ZNF195: variants seen among roughly 807,000 people sequenced by gnomAD.
ZNF195 encodes the protein hypoxia-regulated factor-1.
ZNF195 carries 11 observed loss-of-function variants against 19.5 expected under a neutral mutation model. The observed-to-expected ratio is 0.57, with a 90% CI of 0.36 to 0.94. The LOEUF (loss-of-function observed/expected upper bound fraction) is 0.94, where lower values mean the gene tolerates loss of function less well. ZNF195 is among the 40% of genes least tolerant of loss of function. The probability of loss-of-function intolerance (pLI) is 0.01; values close to 1 mark genes in which losing one functional copy is unlikely to be tolerated. For synonymous variants in ZNF195, 214 were observed against 248.1 expected, an observed-to-expected ratio of 0.86 and a Z score of 1.29; for missense variants, 582 against 709.0, an observed-to-expected ratio of 0.82 and a Z score of 2.03.
intron 3 of ZNF195, chr11:3,368,959 A>G: frequency 2.4e-6 from 1 of 420,968 alleles, no homozygotes; most frequent in Non-Finnish European, 4.8e-6. Context: ...TAAAACATGT[A>G]TCCTTAAAAA....
chr11:3,376,461 G>T (rs992137241), intron 1 of ZNF195, among the ~76,000 whole-genome samples: 13 of 152,260 alleles, frequency 8.5e-5, no homozygotes, highest in Non-Finnish European at 1.5e-5. Context: ...CTTGAGCCAG[G>T]CCTTCGATTG....
chr11:3,360,414 T>C lies in ZNF195; in HGVS notation c.594A>G (p.Gln198=). 6.2e-7 allele frequency: 1 copy of C among 1,612,774 alleles called. No individual in the cohort carries two copies. Residue 198 remains glutamine, a synonymous_variant, in exon 6 of 6, where the codon CAA becomes CAG. Coordinates refer to ENST00000399602, the MANE Select transcript of ZNF195 (RefSeq NM_001130520.3). ...DWESLDECKL[Q]KDYNGLNQCS... ...ATTGGTTAAGTCCATTATAATCTTTTTGCAACTTACACTCATCTAAACTTT... is the reference window on the plus strand; with the variant it reads ...ATTGGTTAAGTCCATTATAATCTTTCTGCAACTTACACTCATCTAAACTTT...
intron 1 of ZNF195, among the ~76,000 whole-genome samples, chr11:3,376,674 T>C (rs1849483576): frequency 6.6e-6 from 1 of 152,236 alleles, no homozygotes; most frequent in Non-Finnish European, 1.5e-5. Flanking sequence ...AGCAAAATTA[T>C]TTATTGCTTT....
chr11:3,375,251 T>C (rs908409515), intron 1 of ZNF195, among the ~76,000 whole-genome samples: 1 of 152,186 alleles, frequency 6.6e-6, no homozygotes, highest in African/African-American at 2.4e-5. Context: ...ATTCTGTTTT[T>C]CCTAAAACTG....
chr11:3,372,615 G>A lies in ZNF195; in HGVS notation c.4-912C>T, dbSNP rs143440532. Among the ~76,000 whole-genome samples the A allele has an allele frequency of 1.6e-4, 4 of 25,790 alleles. No homozygotes were observed. In the Admixed American group the frequency reaches 2.0e-3, roughly 13 times the overall value. 16.9% of individuals were successfully genotyped at this position (25,790 alleles called of 152,430 possible). On this transcript the variant is annotated intron_variant, in intron 1 of 5. Coordinates refer to ENST00000399602, the MANE Select transcript of ZNF195 (RefSeq NM_001130520.3). ...TTCTGACAAATATTTCCCAGGTCCTGACAAATATCTCCCAGGTTCTGACAA... is the reference window on the plus strand; with the variant it reads ...TTCTGACAAATATTTCCCAGGTCCTAACAAATATCTCCCAGGTTCTGACAA...
chr11:3,375,508 C>T (rs1473774435), intron 1 of ZNF195: 4 of 152,206 alleles, frequency 2.6e-5, no homozygotes, highest in Non-Finnish European at 1.5e-5. Flanking sequence ...ACAACCACAT[C>T]AGGAAAATGG....
At chr11:3,374,851 A>C (rs1849379339) in intron 1 of ZNF195, among the ~76,000 whole-genome samples, 1 of 152,268 alleles carries the variant, frequency 6.6e-6, no homozygotes, top group African/African-American at 2.4e-5. Flanking sequence ...TTGTGAAGCA[A>C]CTATTAGACC....
chr11:3,378,437 T>C (rs377660052), intron 1 of ZNF195, among the ~76,000 whole-genome samples: 1 of 151,870 alleles, frequency 6.6e-6, no homozygotes. Flanking sequence ...AGAAACAAAA[T>C]TCAGGCTTCG....
chr11:3,369,050 A>G (rs75923898), intron 3 of ZNF195, among the ~76,000 whole-genome samples: 2,410 of 152,336 alleles, frequency 0.016, 66 homozygotes, highest in African/African-American at 0.056. Flanking sequence ...AAAAGTAAAT[A>G]TAAACAAAAT....
In ZNF195 at chr11:3,359,247, A is replaced by G; in HGVS notation, c.1761T>C (p.Phe587=). The change falls in exon 6 of 6, where the codon TTT becomes TTC. Residue 587 remains phenylalanine (F), a synonymous_variant. Coordinates refer to ENST00000399602, the MANE Select transcript of ZNF195 (RefSeq NM_001130520.3). This position sits in a 1 kb window ranked among gnomAD's most constrained non-coding sequence, Gnocchi z 5.5. ...PYKCDECGKN[F]TQSSNLIVHK... ...GTACAATAAGGTTTGAGGACTGGGTAAAGTTTTTTCCACATTCGTCACATT... is the reference window on the plus strand; with the variant it reads ...GTACAATAAGGTTTGAGGACTGGGTGAAGTTTTTTCCACATTCGTCACATT... 2 of 1,614,006 alleles carry G rather than the reference A, an allele frequency of 1.2e-6. No individual in the cohort carries two copies. Among genetic ancestry groups the G allele is most frequent in the South Asian group, 2.2e-5 (2 of 91,060 alleles).
rs918848675 is a variant in ZNF195, at chr11:3,358,147, G to A, written c.*971C>T. Reference sequence around the variant, plus strand: ...AGATGTTTTTTGCCAGCTTTGTTATGCGAGGTGAACAGACATGTTAACCGC... The same window carrying A: ...AGATGTTTTTTGCCAGCTTTGTTATACGAGGTGAACAGACATGTTAACCGC... On this transcript the variant is annotated 3_prime_UTR_variant, in exon 6 of 6. Transcript: ENST00000399602. 17 of 152,092 alleles carry A rather than the reference G, an allele frequency of 1.1e-4. No homozygotes were observed. The highest frequency in any genetic ancestry group is 4.1e-4 in the African/African-American group (17 of 41,382). The allele number at this position is 152,092 out of a possible 1,614,324, so 9.4% of individuals were successfully genotyped here. A position where few individuals can be genotyped will look rare whatever the true frequency, so the allele number is the denominator to read the frequency against.
At position 3,360,784 on chromosome 11, in the gene ZNF195, C is replaced by T. The variant is rs1396864342; in HGVS notation, c.378G>A (p.Leu126=). 1.9e-6 allele frequency: 3 copies of T among 1,551,386 alleles called. No individual in the cohort carries two copies. The highest frequency in any genetic ancestry group is 2.6e-6 in the Non-Finnish European group (3 of 1,146,882). ...LNVSVDKFTA[L]CSPGVLQTVK... The stretch of plus-strand genomic sequence containing the variant: ...CAGTTTGCAGCACCCCAGGTGAGCA[C>T]AGTGCTAGGAGCCAGATAAGAAGAA... The change falls in exon 5 of 6, where the codon CTG becomes CTA. Residue 126 remains leucine (L), a synonymous_variant. Transcript: ENST00000399602.
At chr11:3,362,072 A>G (rs1228992890) in intron 3 of ZNF195, 183 bp from the exon 4 acceptor site, 2 of 435,960 alleles carry the variant, frequency 4.6e-6, no homozygotes. Context: ...AAAAAGTACA[A>G]CCTGAAGCAA....
At chr11:3,371,199 A>G in intron 2 of ZNF195, 129 bp from the exon 3 acceptor site, 1 of 852,702 alleles carries the variant, frequency 1.2e-6, no homozygotes, top group Non-Finnish European at 1.8e-6. Flanking sequence ...GCTTCCTGAC[A>G]TCACCTTTAG....
At position 3,359,050 on chromosome 11, in the gene ZNF195, C is replaced by T; in HGVS notation, c.*68G>A. 1 of 1,471,074 alleles carries T rather than the reference C, an allele frequency of 6.8e-7. No individual in the cohort carries two copies. The highest frequency in any genetic ancestry group is 9.0e-7 in the Non-Finnish European group (1 of 1,110,420). 91.1% of individuals were successfully genotyped at this position (1,471,074 alleles called of 1,614,324 possible). A position where few individuals can be genotyped will look rare whatever the true frequency, so the allele number is the denominator to read the frequency against. On this transcript the variant is annotated 3_prime_UTR_variant, in exon 6 of 6. Coordinates refer to ENST00000399602, the MANE Select transcript of ZNF195 (RefSeq NM_001130520.3). The surrounding 1 kb of genome is among the most constrained non-coding windows in gnomAD (Gnocchi z 5.5). ...ATGATAACTTTATTAAGTCTGAACT[C>T]TGATGTAAAGTGGGATGCGAGCAGA... is the stretch of plus-strand genomic sequence containing the variant.
In ZNF195 at chr11:3,371,059, A is replaced by T. The variant is rs1272340023; in HGVS notation, c.142T>A (p.Cys48Ser). 4 of 1,613,668 alleles carry T rather than the reference A, an allele frequency of 2.5e-6. No individual in the cohort carries two copies. The East Asian group carries it at 8.9e-5, about 36-fold the overall frequency. The change falls in exon 3 of 6, where the codon TGT (cysteine) becomes AGT (serine). Residue 48 changes from cysteine to serine, a missense_variant. Coordinates refer to ENST00000399602, the MANE Select transcript of ZNF195 (RefSeq NM_001130520.3). ...RNLFSVGLTV[C>S]KPGLITCLEQ... Reference sequence around the variant, plus strand: ...AGGCAGGTGATCAGGCCTGGCTTACAGACAGTGAGACCTGTTTTATTAGAA... The same window carrying T: ...AGGCAGGTGATCAGGCCTGGCTTACTGACAGTGAGACCTGTTTTATTAGAA...
intron 3 of ZNF195, among the ~76,000 whole-genome samples, chr11:3,365,657 A>C (rs992944528): frequency 6.6e-6 from 1 of 152,246 alleles, no homozygotes; most frequent in African/African-American, 2.4e-5. Context: ...AACAATAACT[A>C]GTCAAAATTC....
At chr11:3,375,602 T>C (rs1849421436) in intron 1 of ZNF195, 3 of 152,150 alleles carry the variant, frequency 2.0e-5, no homozygotes, top group Non-Finnish European at 4.4e-5. Flanking sequence ...ATCCAGTTAC[T>C]GGAAATGGAA....
At chr11:3,362,208 A>G (rs992672711) in intron 3 of ZNF195, 4 of 235,842 alleles carry the variant, frequency 1.7e-5, no homozygotes, top group Non-Finnish European at 3.5e-5. Flanking sequence ...CTACATTACC[A>G]CTACACATGT....
Sources: gnomAD v4.1 joint callset for allele counts (sites outside exome capture counted in the v4.1 genomes callset) on GRCh38, gnomAD v4.1.1 for gene constraint, Gnocchi (gnomAD v3.1) non-coding constraint, MANE v1.5 for transcripts, NCBI Gene and HGNC (gene_info 2026-07-23, HGNC 2026-07-21) for gene names.